MSH3: variants seen among roughly 807,000 people sequenced by gnomAD.
The protein encoded by MSH3 is mutS homolog 3, also known as DNA mismatch repair protein Msh3.
In MSH3, 106 loss-of-function variants were observed where a neutral mutation model predicts 123.3. That is an observed-to-expected ratio of 0.86 (90% CI 0.73 to 1.01). The LOEUF (loss-of-function observed/expected upper bound fraction) is 1.01, where lower values mean the gene tolerates loss of function less well. Ranked by LOEUF, MSH3 falls within the 50% of genes least tolerant of loss-of-function variation. MSH3 has a pLI of 0.00. For synonymous variants in MSH3, 515 were observed against 481.4 expected, an observed-to-expected ratio of 1.07 and a Z score of -0.91; for missense variants, 1,459 against 1,347.6, an observed-to-expected ratio of 1.08 and a Z score of -1.29.
chr5:80,760,000 CAGGT>C (rs1561468527), intron 12 of MSH3, among the ~76,000 whole-genome samples: 7 of 152,274 alleles, frequency 4.6e-5, no homozygotes, highest in Admixed American at 3.3e-4. Context: ...CATGATCTCA[CAGGT>C]AGTTAAGGAT....
intron 19 of MSH3, among the ~76,000 whole-genome samples, chr5:80,798,174 C>T (rs1009980495): frequency 1.3e-5 from 2 of 152,130 alleles, no homozygotes; most frequent in South Asian, 4.1e-4. Context: ...CTGTAGCTCT[C>T]TAGCCCAAGC....
At chr5:80,746,408 T>C in intron 12 of MSH3, 1 of 433,960 alleles carries the variant, frequency 2.3e-6, no homozygotes, top group Non-Finnish European at 4.6e-6. Context: ...TCATTTTTGA[T>C]ATTGGAAGTC....
chr5:80,745,318 A>C (rs766099851), intron 12 of MSH3, among the ~76,000 whole-genome samples: 3 of 152,180 alleles, frequency 2.0e-5, no homozygotes, highest in South Asian at 2.1e-4. Context: ...TATGCAGATA[A>C]ATTTGGAGAT....
At position 80,654,833 on chromosome 5, in the gene MSH3, T is replaced by G. The variant is rs773158640; in HGVS notation, c.106T>G (p.Ser36Ala). ...RFFQSTGSLK[S>A]TSSSTGAADQ... ...CTTCCAGTCTACGGGAAGCCTGAAA[T>G]CCACCTCCTCCTCCACAGGTGCAGC... is the stretch of plus-strand genomic sequence containing the variant. The change falls in exon 1 of 24, where the codon TCC becomes GCC. Residue 36 changes from serine to alanine, a missense_variant. By Grantham distance (99) the Ser-to-Ala change is moderately conservative (BLOSUM62 1). Transcript: ENST00000265081. The G allele has an allele frequency of 3.7e-6, 6 of 1,603,430 alleles. No homozygotes were observed. The African/African-American group carries it at 6.9e-5, about 18-fold the overall frequency.
At chr5:80,777,984 A>G (rs1744335736) in intron 16 of MSH3, among the ~76,000 whole-genome samples, 1 of 152,210 alleles carries the variant, frequency 6.6e-6, no homozygotes, top group South Asian at 2.1e-4. Flanking sequence ...CGTTTCATAG[A>G]TGAGAAAAGT....
intron 8 of MSH3, among the ~76,000 whole-genome samples, chr5:80,686,008 G>A (rs1232135967): frequency 2.0e-5 from 3 of 152,142 alleles, no homozygotes; most frequent in Non-Finnish European, 4.4e-5. Context: ...TGTGGTCAGA[G>A]AAGATTCTTG....
At chr5:80,854,916 C>G (rs1203899532) in intron 21 of MSH3, among the ~76,000 whole-genome samples, 1 of 152,136 alleles carries the variant, frequency 6.6e-6, no homozygotes, top group African/African-American at 2.4e-5. Context: ...GAGGGAAAAA[C>G]AAGGAAATAG....
intron 8 of MSH3, among the ~76,000 whole-genome samples, chr5:80,693,090 G>GATAAATATACATGCACATGTATGTTTAT (rs1750355642): frequency 8.3e-6 from 1 of 120,572 alleles, no homozygotes; most frequent in African/African-American, 3.1e-5. Context: ...TGTTTATATA[G>GATAAATATACATGCACATGTATGTTTAT]ATAAATATAC....
At chr5:80,862,907 G>A (rs550207626) in intron 21 of MSH3, among the ~76,000 whole-genome samples, 75 of 152,200 alleles carry the variant, frequency 4.9e-4, no homozygotes, top group African/African-American at 1.7e-3. Context: ...ATTTAATAAC[G>A]ACTATAATAA....
intron 20 of MSH3, among the ~76,000 whole-genome samples, chr5:80,828,752 C>G (rs1745366447): frequency 6.6e-6 from 1 of 152,156 alleles, no homozygotes; most frequent in Non-Finnish European, 1.5e-5. Context: ...AAGTCCAACA[C>G]CCAAAGGAAA....
intron 18 of MSH3, 60 bp from the exon 19 acceptor site, chr5:80,792,673 A>T: frequency 1.0e-6 from 1 of 997,120 alleles, no homozygotes; most frequent in Non-Finnish European, 1.6e-6. Context: ...GCTATCTTAG[A>T]GTTTTTTTTT....
At chr5:80,778,088 G>A (rs1161119634) in intron 16 of MSH3, among the ~76,000 whole-genome samples, 1 of 152,158 alleles carries the variant, frequency 6.6e-6, no homozygotes, top group African/African-American at 2.4e-5. Flanking sequence ...CTCTGACTGG[G>A]GACCCATGGC....
chr5:80,737,372 T>A (rs1198998647), intron 10 of MSH3, among the ~76,000 whole-genome samples: 1 of 152,208 alleles, frequency 6.6e-6, no homozygotes, highest in Non-Finnish European at 1.5e-5. Context: ...GGAGTTGATT[T>A]CTCTGTCCAG....
chr5:80,732,868 A>G (rs758150521), intron 10 of MSH3, among the ~76,000 whole-genome samples: 59 of 152,322 alleles, frequency 3.9e-4, no homozygotes, highest in Non-Finnish European at 6.3e-4. Context: ...ACTAACGTGG[A>G]ACTTTCTTGA....
chr5:80,738,689 G>A (rs1259900484), intron 10 of MSH3, among the ~76,000 whole-genome samples: 1 of 152,088 alleles, frequency 6.6e-6, no homozygotes, highest in Admixed American at 6.6e-5. Context: ...GAGCTGAGAT[G>A]CTTTTAGGAA....
At chr5:80,823,740 G>C (rs1364678947) in intron 20 of MSH3, among the ~76,000 whole-genome samples, 1 of 151,864 alleles carries the variant, frequency 6.6e-6, no homozygotes, top group Admixed American at 6.6e-5. Context: ...GGTGTTTCTC[G>C]CAGAGGGGGA....
chr5:80,739,698 G>A (rs1259932616), intron 10 of MSH3, among the ~76,000 whole-genome samples: 4 of 152,202 alleles, frequency 2.6e-5, no homozygotes, highest in Middle Eastern at 3.2e-3. Context: ...TTCTTTGGAA[G>A]CTAGATCAAA....
chr5:80,849,988 C>T lies in MSH3; in HGVS notation c.2814-4142C>T, dbSNP rs145611537. On this transcript the variant is annotated intron_variant, in intron 20 of 23. Transcript: ENST00000265081. ...AGTGCCTTTAACAGCACCCAAGTCACCTCTTGAATTATTTTCTGCTTAGAA... is the reference window on the plus strand; with the variant it reads ...AGTGCCTTTAACAGCACCCAAGTCATCTCTTGAATTATTTTCTGCTTAGAA... Among the ~76,000 whole-genome samples, 389 of 152,282 alleles carry T rather than the reference C, an allele frequency of 2.6e-3. 1 individual carries two copies. Among genetic ancestry groups the T allele is most frequent in the African/African-American group, 9.1e-3 (377 of 41,542 alleles).
rs998955210 is a variant in MSH3, at chr5:80,727,916, G to A, written c.1454-935G>A. ...TTTGAATAGAGACTGAAGGAGTTAA[G>A]GAAAAGAGCCATATAGACATATGAA... is the stretch of plus-strand genomic sequence containing the variant. On this transcript the variant is annotated intron_variant, in intron 9 of 23. Transcript: ENST00000265081. 9.9e-5 allele frequency among the ~76,000 whole-genome samples: 15 copies of A among 151,968 alleles called. No homozygotes were observed. The South Asian group carries it at 2.1e-3, about 21-fold the overall frequency.
Sources: allele counts gnomAD v4.1 joint callset (sites outside exome capture counted in the v4.1 genomes callset), GRCh38; gene constraint gnomAD v4.1.1; transcripts MANE v1.5; gene names NCBI Gene and HGNC (gene_info 2026-07-23, HGNC 2026-07-21).